SLC6A13: variants seen among roughly 807,000 people sequenced by gnomAD.
SLC6A13 encodes sodium- and chloride-dependent GABA transporter 2.
SLC6A13 carries 69 observed loss-of-function variants against 72.9 expected under a neutral mutation model. That is an observed-to-expected ratio of 0.95 (90% CI 0.78 to 1.16). SLC6A13 has a LOEUF of 1.16. SLC6A13 is among the 50% of genes most tolerant of loss of function. The probability of loss-of-function intolerance (pLI) is 0.00; values close to 1 mark genes in which losing one functional copy is unlikely to be tolerated. For synonymous variants in SLC6A13, 303 were observed against 303.0 expected (o/e 1.00, Z 0.00); for missense variants, 735 against 760.5 (o/e 0.97, Z 0.39).
chr12:229,537 C>G lies in SLC6A13; in HGVS notation c.832-1869G>C, dbSNP rs192686903. ...AGAGCAGGACCTTCTGGCAAAAGGC[C>G]CTGAGCTTATAGAGAAAGTGCTTCC... On this transcript the variant is annotated intron_variant, in intron 7 of 14. Transcript: ENST00000343164. Among the ~76,000 whole-genome samples, 6 of 152,274 alleles carry G rather than the reference C, an allele frequency of 3.9e-5. 1 individual carries two copies. The highest frequency in any genetic ancestry group is 2.0e-4 in the Admixed American group (3 of 15,302).
intron 2 of SLC6A13, among the ~76,000 whole-genome samples, chr12:245,887 G>T (rs781233894): frequency 6.6e-6 from 1 of 151,998 alleles, no homozygotes; most frequent in Non-Finnish European, 1.5e-5. Flanking sequence ...GGAGGCTGAG[G>T]CAGGTGGATC....
Position 220,715 on chromosome 12 carries a change from C to T in SLC6A13, c.*233G>A. 2 of 486,298 alleles carry T rather than the reference C, an allele frequency of 4.1e-6. No individual in the cohort carries two copies. The highest frequency in any genetic ancestry group is 3.7e-6 in the Non-Finnish European group (1 of 273,866). The allele number at this position is 486,298 out of a possible 1,614,324, so 30.1% of individuals were successfully genotyped here. On this transcript the variant is annotated 3_prime_UTR_variant, in exon 15 of 15. Transcript: ENST00000343164. ...ACCTACCAGCCCCCACCCAGCTTCC[C>T]AAGGGTCTCAGAGGGACACTCTTGG...
At chr12:244,151 C>A (rs1346364316) in intron 2 of SLC6A13, among the ~76,000 whole-genome samples, 2 of 152,214 alleles carry the variant, frequency 1.3e-5, no homozygotes, top group Admixed American at 6.5e-5. Context: ...TTGGCACAGC[C>A]CACAGTCTAT....
At chr12:229,696 C>A (rs753906083) in intron 7 of SLC6A13, among the ~76,000 whole-genome samples, 3 of 152,220 alleles carry the variant, frequency 2.0e-5, no homozygotes, top group Non-Finnish European at 4.4e-5. Flanking sequence ...GGAGTCCTCG[C>A]GCCTTGGACA....
At chr12:246,584 A>G (rs182582521) in intron 2 of SLC6A13, among the ~76,000 whole-genome samples, 275 of 152,382 alleles carry the variant, frequency 1.8e-3, no homozygotes, top group African/African-American at 6.3e-3. Flanking sequence ...ACTTCTGAAC[A>G]TGAACACTAC....
At chr12:223,431 T>TG (rs5795910) in intron 11 of SLC6A13, among the ~76,000 whole-genome samples, 197 bp from the exon 12 acceptor site, 41,027 of 152,102 alleles carry the variant, frequency 0.27, 9,366 homozygotes, top group African/African-American at 0.63. Context: ...TTTTTATTAT[T>TG]TTTTGGGACA....
intron 6 of SLC6A13, among the ~76,000 whole-genome samples, chr12:236,664 C>T (rs1941941720): frequency 6.6e-6 from 1 of 152,224 alleles, no homozygotes; most frequent in African/African-American, 2.4e-5. Flanking sequence ...GACACATGAC[C>T]TCTGTCCTCA....
chr12:247,217 A>G (rs1942387179), intron 2 of SLC6A13, among the ~76,000 whole-genome samples: 1 of 152,074 alleles, frequency 6.6e-6, no homozygotes, highest in African/African-American at 2.4e-5. Context: ...CTATAGATCC[A>G]AAAAGTTCAA....
intron 6 of SLC6A13, chr12:236,859 T>C (rs1941950810): frequency 7.8e-6 from 2 of 257,598 alleles, no homozygotes; most frequent in Middle Eastern, 1.2e-3. Flanking sequence ...AGAACTGTTG[T>C]ATGAATTAGG....
intron 7 of SLC6A13, among the ~76,000 whole-genome samples, chr12:228,770 T>G (rs1269524586): frequency 6.6e-6 from 1 of 152,120 alleles, no homozygotes. Flanking sequence ...GAGGGATCCA[T>G]CAGCAGGCTG....
rs770274735 is a variant in SLC6A13, at chr12:235,119, G to C, written c.802C>G (p.Pro268Ala). Residue 268 changes from proline to alanine, a missense_variant, in exon 7 of 15, where the codon CCA becomes GCA. By Grantham distance (27) the Pro-to-Ala change is conservative. Transcript: ENST00000343164. ...AAQGIQFYLY[P>A]NLTRLWDPQV... ...GGATCCCACAGACGCGTGAGGTTTG[G>C]GTACAGGTAAAACTGAATTCCTTGG... 2 of 1,614,198 alleles carry C rather than the reference G, an allele frequency of 1.2e-6. No individual in the cohort carries two copies. Among genetic ancestry groups the C allele is most frequent in the Non-Finnish European group, 1.7e-6 (2 of 1,180,028 alleles).
chr12:257,588 G>A (rs146970809), intron 2 of SLC6A13, among the ~76,000 whole-genome samples: 28 of 152,226 alleles, frequency 1.8e-4, no homozygotes, highest in African/African-American at 6.5e-4. Flanking sequence ...GACCACAGCC[G>A]CCGCCCTGCT....
Position 243,559 on chromosome 12 carries a change from A to G in SLC6A13, c.337+120T>C. 5.1e-6 allele frequency: 5 copies of G among 990,074 alleles called. No individual in the cohort carries two copies. The South Asian group carries it at 8.4e-5, about 17-fold the overall frequency. The allele number at this position is 990,074 out of a possible 1,614,324, so 61.3% of individuals were successfully genotyped here. A position where few individuals can be genotyped will look rare whatever the true frequency, so the allele number is the denominator to read the frequency against. ...TATGCAGCCCACAAACCAAGGGTTT[A>G]GCATAGAGACTCGGGATCTTATCTT... On this transcript the variant is annotated intron_variant, in intron 3 of 14. Coordinates refer to ENST00000343164, the MANE Select transcript of SLC6A13 (RefSeq NM_016615.5).
intron 2 of SLC6A13, among the ~76,000 whole-genome samples, chr12:245,040 CAG>C (rs1178165450): frequency 6.6e-6 from 1 of 152,204 alleles, no homozygotes; most frequent in Non-Finnish European, 1.5e-5. Flanking sequence ...TCATAGGACA[CAG>C]AGTACCAGAG....
intron 5 of SLC6A13, among the ~76,000 whole-genome samples, chr12:237,575 A>T (rs1591840277): frequency 7.1e-6 from 1 of 140,734 alleles, no homozygotes; most frequent in African/African-American, 2.7e-5. Context: ...TGACAGCAGG[A>T]CTCTTGCCCT....
At chr12:257,791 C>A (rs1942794790) in intron 2 of SLC6A13, among the ~76,000 whole-genome samples, 1 of 152,196 alleles carries the variant, frequency 6.6e-6, no homozygotes. Context: ...CTCCCCTCCA[C>A]TTTCCCCTGT....
intron 2 of SLC6A13, among the ~76,000 whole-genome samples, chr12:245,076 G>A (rs949924751): frequency 2.6e-5 from 4 of 152,222 alleles, no homozygotes; most frequent in Non-Finnish European, 5.9e-5. Context: ...ACAGACAGGA[G>A]AATCTGCAGA....
At chr12:237,131 G>C (rs373493201) in intron 6 of SLC6A13, 27 bp downstream of exon 6, 11 of 1,612,500 alleles carry the variant, frequency 6.8e-6, no homozygotes, top group Non-Finnish European at 8.5e-6. Context: ...TCCGGGAATG[G>C]GAGGGGCAGG....
intron 4 of SLC6A13, among the ~76,000 whole-genome samples, chr12:238,541 A>C (rs1942028958): frequency 6.6e-6 from 1 of 152,248 alleles, no homozygotes. Context: ...ATAAGAAATT[A>C]AATGAAAACG....
Sources: gnomAD v4.1 joint callset for allele counts (sites outside exome capture counted in the v4.1 genomes callset) on GRCh38, gnomAD v4.1.1 for gene constraint, MANE v1.5 for transcripts, NCBI Gene and HGNC (gene_info 2026-07-23, HGNC 2026-07-21) for gene names.